SYN3: variants seen among roughly 807,000 people sequenced by gnomAD.
The protein encoded by SYN3 is synapsin III.
Under a neutral mutation model 65.8 loss-of-function variants are expected in SYN3, and 35 were observed. The observed-to-expected ratio is 0.53, with a 90% CI of 0.41 to 0.70. The LOEUF is 0.70. Ranked by LOEUF, SYN3 falls within the 30% of genes least tolerant of loss-of-function variation. The probability of loss-of-function intolerance (pLI) is 0.00; values close to 1 mark genes in which losing one functional copy is unlikely to be tolerated. For synonymous variants in SYN3, 270 were observed against 292.9 expected (o/e 0.92, Z 0.80); for missense variants, 680 against 749.0 (o/e 0.91, Z 1.08).
intron 4 of SYN3, among the ~76,000 whole-genome samples, chr22:32,899,022 A>C (rs2049680841): frequency 6.6e-6 from 1 of 151,912 alleles, no homozygotes; most frequent in Admixed American, 6.6e-5. Context: ...GAATCGCTTG[A>C]ACCAGGAAGT....
intron 10 of SYN3, among the ~76,000 whole-genome samples, chr22:32,529,438 T>C (rs1216902536): frequency 6.6e-6 from 1 of 151,688 alleles, no homozygotes; most frequent in Non-Finnish European, 1.5e-5. Flanking sequence ...ATGACAAAAA[T>C]ATGACGCGGG....
chr22:32,692,548 C>T (rs1287630552), intron 6 of SYN3, among the ~76,000 whole-genome samples: 3 of 152,338 alleles, frequency 2.0e-5, no homozygotes, highest in East Asian at 3.9e-4. Context: ...GGGCTCCAAC[C>T]ACCCTGGAGG....
At chr22:32,833,818 G>T (rs11703156) in intron 6 of SYN3, 2 of 501,244 alleles carry the variant, frequency 4.0e-6, no homozygotes, top group Admixed American at 1.9e-5. Context: ...AGGCTCAAAT[G>T]GGAAAATCCA....
intron 1 of SYN3, among the ~76,000 whole-genome samples, chr22:33,045,459 CTTTTT>C (rs745442160): frequency 1.2e-5 from 1 of 84,696 alleles, no homozygotes; most frequent in Non-Finnish European, 2.4e-5. Flanking sequence ...GCTCTACTTT[CTTTTT>C]TTTTTTTTTT....
At chr22:32,581,233 C>T (rs529582620) in intron 7 of SYN3, among the ~76,000 whole-genome samples, 29 of 152,312 alleles carry the variant, frequency 1.9e-4, no homozygotes, top group African/African-American at 6.7e-4. Flanking sequence ...CTTCAGCTTC[C>T]TGAGCAGCTG....
intron 6 of SYN3, among the ~76,000 whole-genome samples, chr22:32,729,967 G>A (rs1232426490): frequency 6.6e-6 from 1 of 152,176 alleles, no homozygotes; most frequent in African/African-American, 2.4e-5. Flanking sequence ...GTCGTTCATA[G>A]ATAATGACTG....
chr22:32,587,678 C>T (rs780335046), intron 7 of SYN3, among the ~76,000 whole-genome samples: 8 of 152,260 alleles, frequency 5.3e-5, no homozygotes, highest in African/African-American at 9.6e-5. Context: ...AGAAGGGATC[C>T]GAGTCCAGGT....
chr22:32,633,953 G>A (rs1237823774), intron 6 of SYN3, among the ~76,000 whole-genome samples: 2 of 152,038 alleles, frequency 1.3e-5, no homozygotes, highest in Admixed American at 1.3e-4. Context: ...GAGGGAGCTG[G>A]CACCGGCAAA....
chr22:32,564,852 TGCTCCCGGACTGCACCCTAACAGC>T (rs377674061), intron 7 of SYN3, among the ~76,000 whole-genome samples: 5,522 of 146,030 alleles, frequency 0.038, 246 homozygotes, highest in East Asian at 0.21. Flanking sequence ...ACCCAAACAG[TGCTCCCGGACTGCACCCTAACAGC>T]GCTCCCGGAC....
intron 7 of SYN3, among the ~76,000 whole-genome samples, chr22:32,553,145 C>G (rs1232828862): frequency 1.3e-5 from 2 of 152,176 alleles, no homozygotes; most frequent in Non-Finnish European, 2.9e-5. Flanking sequence ...CTAATTACCT[C>G]CCATAGATCC....
At chr22:32,897,230 G>A (rs1049649318) in intron 4 of SYN3, among the ~76,000 whole-genome samples, 1 of 152,158 alleles carries the variant, frequency 6.6e-6, no homozygotes, top group Non-Finnish European at 1.5e-5. Flanking sequence ...CGGCAGACCT[G>A]TTGTTTTCTT....
At position 32,569,259 on chromosome 22, in the gene SYN3, C is replaced by CTATG. The variant is rs1452717001; in HGVS notation, c.774+27414_774+27415insCATA. Among the ~76,000 whole-genome samples the CTATG allele has an allele frequency of 4.1e-4, 56 of 135,142 alleles. 1 individual carries two copies. The highest frequency in any genetic ancestry group is 1.4e-3 in the African/African-American group (53 of 37,986). 88.7% of individuals were successfully genotyped at this position (135,142 alleles called of 152,430 possible). The stretch of plus-strand genomic sequence containing the variant: ...CTATCTATCTCTATGCATCCAAAAT[C>CTATG]TATCTATCTATCTATCTATCTATCT... On this transcript the variant is annotated intron_variant, in intron 7 of 13. Coordinates refer to ENST00000358763, the MANE Select transcript of SYN3 (RefSeq NM_003490.4).
chr22:33,018,330 GA>G (rs1201944166), intron 1 of SYN3, among the ~76,000 whole-genome samples: 4 of 152,216 alleles, frequency 2.6e-5, no homozygotes, highest in African/African-American at 9.6e-5. Flanking sequence ...GGATGAGAGG[GA>G]TTCTGGTGAA....
At chr22:32,715,256 C>T (rs1037975321) in intron 6 of SYN3, among the ~76,000 whole-genome samples, 3 of 151,840 alleles carry the variant, frequency 2.0e-5, no homozygotes, top group African/African-American at 4.8e-5. Context: ...GGTTCCAGCA[C>T]ACTACTAAAG....
rs1035829944 is a variant in SYN3 at position 32,511,532 on chromosome 22, C to A, written c.*2160G>T. 1.3e-5 allele frequency among the ~76,000 whole-genome samples: 2 copies of A among 152,216 alleles called. No homozygotes were observed. The highest frequency in any genetic ancestry group is 1.3e-4 in the Admixed American group (2 of 15,286). On this transcript the variant is annotated 3_prime_UTR_variant, in exon 14 of 14. Coordinates refer to ENST00000358763, the MANE Select transcript of SYN3 (RefSeq NM_003490.4). ...GAGATGTGTTACTGGGCAGAGTGAG[C>A]TCCAGACATGCCAGACATGCAGGGA...
intron 6 of SYN3, among the ~76,000 whole-genome samples, chr22:32,729,368 T>C (rs1039184291): frequency 1.1e-4 from 17 of 152,198 alleles, no homozygotes; most frequent in African/African-American, 3.9e-4. Context: ...ATGATGGACA[T>C]GGATAAGTTG....
intron 6 of SYN3, among the ~76,000 whole-genome samples, chr22:32,827,328 C>T (rs763655792): frequency 3.9e-5 from 6 of 152,214 alleles, no homozygotes; most frequent in Non-Finnish European, 7.3e-5. Flanking sequence ...TTCATTTGGG[C>T]CTGGACAGCT....
intron 1 of SYN3, among the ~76,000 whole-genome samples, chr22:33,038,541 CCTT>C (rs568303101): frequency 1.3e-5 from 2 of 152,174 alleles, no homozygotes; most frequent in African/African-American, 4.8e-5. Flanking sequence ...GGGACACAAT[CCTT>C]CTCAGAATGG....
At chr22:32,634,924 T>G (rs1569110158) in intron 6 of SYN3, among the ~76,000 whole-genome samples, 1 of 146,728 alleles carries the variant, frequency 6.8e-6, no homozygotes, top group Non-Finnish European at 1.5e-5. Flanking sequence ...ATTATGAGAT[T>G]TTTTTTGCAA....
Sources: gnomAD v4.1 joint callset for allele counts (sites outside exome capture counted in the v4.1 genomes callset) on GRCh38, gnomAD v4.1.1 for gene constraint, MANE v1.5 for transcripts, NCBI Gene and HGNC (gene_info 2026-07-23, HGNC 2026-07-21) for gene names.